ANK2: variants seen among roughly 807,000 people sequenced by gnomAD.
The protein encoded by ANK2 is ankyrin-2.
Under a neutral mutation model 360.5 loss-of-function variants are expected in ANK2, and 83 were observed. That is an observed-to-expected ratio of 0.23 (90% CI 0.19 to 0.28). The LOEUF (loss-of-function observed/expected upper bound fraction) is 0.28, where lower values mean the gene tolerates loss of function less well. Among genes scored for constraint, ANK2 ranks in the 10% least tolerant of loss-of-function variants. The pLI is 1.00. For missense variants in ANK2, 4,201 were observed against 4,795.7 expected, an observed-to-expected ratio of 0.88 and a Z score of 3.66; for synonymous variants, 1,740 against 1,759.5, an observed-to-expected ratio of 0.99 and a Z score of 0.28.
chr4:113,214,658 A>C (rs2099065974), intron 4 of ANK2, among the ~76,000 whole-genome samples: 2 of 152,316 alleles, frequency 1.3e-5, no homozygotes, highest in African/African-American at 2.4e-5. Flanking sequence ...AGTATTAAGC[A>C]GCAAGTTTTT....
chr4:113,049,768 GAGA>G lies in ANK2; in HGVS notation c.43_45del (p.Lys15del), dbSNP rs1195823103. On this transcript the variant is annotated inframe_deletion, in exon 1 of 46. Transcript: ENST00000357077. Reference sequence around the variant, plus strand: ...TGCAGCTCAGAAAAGCGACAGTGGAGAGAAGTTCAACGGCAGTAGTCAGAGGAG... The same window carrying G: ...TGCAGCTCAGAAAAGCGACAGTGGAGAGTTCAACGGCAGTAGTCAGAGGAG... The G allele has an allele frequency of 1.2e-6, 2 of 1,613,732 alleles. No homozygotes were observed. The highest frequency in any genetic ancestry group is 1.7e-5 in the Admixed American group (1 of 59,982).
At chr4:113,136,572 C>T (rs1211105575) in intron 1 of ANK2, among the ~76,000 whole-genome samples, 1 of 151,972 alleles carries the variant, frequency 6.6e-6, no homozygotes, top group Non-Finnish European at 1.5e-5. Context: ...ATCCCAGCTA[C>T]TTGGGAGGCT....
At chr4:113,348,685 AGACATTATTTGCCTTTT>A in intron 36 of ANK2, among the ~76,000 whole-genome samples, 2 of 152,042 alleles carry the variant, frequency 1.3e-5, no homozygotes, top group African/African-American at 4.8e-5. Context: ...AAATGTACTA[AGACATTATTTGCCTTTT>A]AAACTTCTAT....
chr4:113,376,430 C>A (rs2096936448), intron 45 of ANK2, among the ~76,000 whole-genome samples: 1 of 152,146 alleles, frequency 6.6e-6, no homozygotes, highest in African/African-American at 2.4e-5. Flanking sequence ...ATGTAGCTTG[C>A]AGGACTGGAG....
upstream of ANK2, among the ~76,000 whole-genome samples, chr4:112,813,780 C>T (rs897845969): frequency 6.6e-6 from 1 of 152,118 alleles, no homozygotes; most frequent in Non-Finnish European, 1.5e-5. Flanking sequence ...AAGCTGTCTA[C>T]CCATCTTGGC....
chr4:113,331,933 C>T, intron 27 of ANK2, 39 bp from the exon 28 acceptor site: 1 of 1,556,566 alleles, frequency 6.4e-7, no homozygotes, highest in Non-Finnish European at 8.9e-7. Flanking sequence ...TGAAGCTTAC[C>T]TATGTTCTTT....
the ANK2 span, among the ~76,000 whole-genome samples, chr4:112,762,656 T>G: frequency 2.6e-5 from 4 of 152,130 alleles, no homozygotes; most frequent in African/African-American, 9.7e-5. Context: ...ACTACAGGCC[T>G]GCGCCACCAT....
At chr4:113,122,292 A>G (rs766226526) in intron 1 of ANK2, among the ~76,000 whole-genome samples, 4 of 152,064 alleles carry the variant, frequency 2.6e-5, no homozygotes, top group Non-Finnish European at 5.9e-5. Context: ...TTGGGCACTC[A>G]GCAGCCTGTT....
chr4:113,068,798 T>C (rs1174966902), intron 1 of ANK2, among the ~76,000 whole-genome samples: 1 of 152,166 alleles, frequency 6.6e-6, no homozygotes, highest in Admixed American at 6.5e-5. Context: ...TGGTGGCTCA[T>C]GCCTATAATC....
intron 1 of ANK2, among the ~76,000 whole-genome samples, chr4:112,884,926 GC>G: frequency 6.6e-6 from 1 of 152,040 alleles, no homozygotes; most frequent in Non-Finnish European, 1.5e-5. Flanking sequence ...AGATATGTGA[GC>G]TTTGATTCTT....
chr4:113,228,901 C>A (rs2099257494), intron 4 of ANK2, among the ~76,000 whole-genome samples: 1 of 152,054 alleles, frequency 6.6e-6, no homozygotes, highest in Admixed American at 6.6e-5. Context: ...CATGACAGGT[C>A]CAAAATTAGA....
chr4:112,876,020 G>T (rs923621502), intron 1 of ANK2, among the ~76,000 whole-genome samples: 2 of 150,476 alleles, frequency 1.3e-5, no homozygotes, highest in Admixed American at 1.3e-4. Flanking sequence ...TTCCCAAACT[G>T]CTGGGATTAT....
At chr4:113,001,550 A>G (rs2050682857) in intron 2 of ANK2, among the ~76,000 whole-genome samples, 1 of 53,322 alleles carries the variant, frequency 1.9e-5, no homozygotes, top group Admixed American at 2.6e-4. Context: ...CAGTGTCTCC[A>G]TATTTTAATT....
rs766783259 is a variant in ANK2, at chr4:113,258,102, T to C, written c.1241T>C (p.Met414Thr). The C allele has an allele frequency of 1.2e-6, 2 of 1,614,206 alleles. No individual in the cohort carries two copies. Among genetic ancestry groups the C allele is most frequent in the Non-Finnish European group, 1.7e-6 (2 of 1,180,010 alleles). The change falls in exon 12 of 46, where the codon ATG becomes ACG. Residue 414 changes from methionine (M) to threonine (T), a missense_variant. Around this residue, in one of 4 missense-constraint regions of ANK2, gnomAD observed 1,268 missense variants for 1,650.8 expected, o/e 0.77. Coordinates refer to ENST00000357077, the MANE Select transcript of ANK2 (RefSeq NM_001148.6). The part of the protein sequence containing the change: ...IACKKNRIKV[M>T]ELLVKYGASI... ...TGCAAGAAAAACCGCATCAAAGTCATGGAACTGCTGGTGAAATATGGGGCT... is the reference window on the plus strand; with the variant it reads ...TGCAAGAAAAACCGCATCAAAGTCACGGAACTGCTGGTGAAATATGGGGCT...
chr4:112,902,139 C>T (rs959406933), intron 1 of ANK2, among the ~76,000 whole-genome samples: 8 of 152,120 alleles, frequency 5.3e-5, no homozygotes, highest in African/African-American at 1.9e-4. Flanking sequence ...ACTGGTTTTT[C>T]AGTTTCAAAA....
At chr4:113,005,816 C>T (rs1326862204) in intron 2 of ANK2, among the ~76,000 whole-genome samples, 4 of 152,066 alleles carry the variant, frequency 2.6e-5, no homozygotes, top group Non-Finnish European at 1.5e-5. Flanking sequence ...GCTGTCTTCA[C>T]AGTAATGAGT....
the ANK2 span, among the ~76,000 whole-genome samples, chr4:112,757,603 G>A: frequency 3.3e-5 from 5 of 152,194 alleles, no homozygotes; most frequent in Non-Finnish European, 7.3e-5. Flanking sequence ...GAAGCATAGA[G>A]AATTAAAGTA....
chr4:113,264,544 T>G (rs2054820148), intron 13 of ANK2, among the ~76,000 whole-genome samples: 1 of 152,072 alleles, frequency 6.6e-6, no homozygotes, highest in Non-Finnish European at 1.5e-5. Flanking sequence ...GTTTTATCCT[T>G]ATAAAGATGG....
chr4:113,265,571 T>A (rs1482458734), intron 14 of ANK2, among the ~76,000 whole-genome samples: 1 of 152,212 alleles, frequency 6.6e-6, no homozygotes, highest in East Asian at 1.9e-4. Context: ...TGAAGATTGC[T>A]TGATCAGACT....
Sources: gnomAD v4.1 joint callset for allele counts (sites outside exome capture counted in the v4.1 genomes callset) on GRCh38, gnomAD v4.1.1 for gene constraint, gnomAD v4.1.1 regional missense constraint, MANE v1.5 for transcripts, NCBI Gene and HGNC (gene_info 2026-07-23, HGNC 2026-07-21) for gene names.